The following ASPHD2 variants were observed in gnomAD, a reference collection of about 807,000 sequenced individuals.
ASPHD2 encodes the protein aspartate beta-hydroxylase domain-containing protein 2.
ASPHD2 carries 12 observed loss-of-function variants against 34.6 expected under a neutral mutation model. The ratio of observed to expected loss-of-function variants is 0.35; its 90% CI spans 0.22 to 0.56. ASPHD2 has a LOEUF of 0.56. ASPHD2 is among the 20% of genes least tolerant of loss of function. The pLI is 0.87. For missense variants in ASPHD2, 375 were observed against 505.0 expected (o/e 0.74, Z 2.47); for synonymous variants, 224 against 212.2 (o/e 1.06, Z -0.48).
In ASPHD2 at chr22:26,433,581, G is replaced by A; in HGVS notation, c.-35G>A. ...ATCGGTGGCAGCCATGCCTCCCCCTGCCCCAGCCGCTCCTTCCCCCCCACG... is the reference window on the plus strand; with the variant it reads ...ATCGGTGGCAGCCATGCCTCCCCCTACCCCAGCCGCTCCTTCCCCCCCACG... On this transcript the variant is annotated 5_prime_UTR_variant, in exon 2 of 4. Transcript: ENST00000215906. This position sits in a 1 kb window ranked among gnomAD's most constrained non-coding sequence, Gnocchi z 5.1. 6.5e-7 allele frequency: 1 copy of A among 1,537,906 alleles called. No individual in the cohort carries two copies. The highest frequency in any genetic ancestry group is 8.8e-7 in the Non-Finnish European group (1 of 1,133,928).
At chr22:26,442,691 C>A in intron 3 of ASPHD2, 119 bp downstream of exon 3, 1 of 698,704 alleles carries the variant, frequency 1.4e-6, no homozygotes, top group Non-Finnish European at 2.4e-6. Context: ...CTTCATATCA[C>A]CCCATAACAC....
chr22:26,438,536 TAC>T (rs373641909), intron 2 of ASPHD2, among the ~76,000 whole-genome samples: 11,070 of 107,508 alleles, frequency 0.1, 1,567 homozygotes, highest in South Asian at 0.24. Flanking sequence ...CATACATATA[TAC>T]ACATACATAT....
chr22:26,441,473 G>GT (rs2084838002), intron 2 of ASPHD2, among the ~76,000 whole-genome samples: 1 of 64,514 alleles, frequency 1.6e-5, no homozygotes, highest in East Asian at 4.5e-4. Flanking sequence ...ACAAGACCTT[G>GT]TATCTAAAAA....
rs556945276 is a variant in ASPHD2, at chr22:26,429,870, C to G, written c.-225+384C>G. 2.3e-3 allele frequency among the ~76,000 whole-genome samples: 349 copies of G among 152,242 alleles called. 2 individuals are homozygous for G. The highest frequency in any genetic ancestry group is 2.5e-3 in the Non-Finnish European group (169 of 68,010). ...CCACTTCCCATATTTCACGTGGTGACCCTCCTCCCCTGTCCCACGAATTAT... is the reference window on the plus strand; with the variant it reads ...CCACTTCCCATATTTCACGTGGTGAGCCTCCTCCCCTGTCCCACGAATTAT... On this transcript the variant is annotated intron_variant, in intron 1 of 3. Coordinates refer to ENST00000215906, the MANE Select transcript of ASPHD2 (RefSeq NM_020437.5). This position sits in a 1 kb window ranked among gnomAD's most constrained non-coding sequence, Gnocchi z 4.5.
In ASPHD2 at chr22:26,434,369, C is replaced by CGCTT; in HGVS notation, c.758_761dup (p.Gly255AlafsTer51). On this transcript the variant is annotated frameshift_variant, in exon 2 of 4. Transcript: ENST00000215906. LOFTEE classifies it high-confidence loss of function. ...CTGTAGGAAGTGCCCACGGACGTAC[C>CGCTT]GCTTGCTCGGAAGCCTTCGGACCTG... The CGCTT allele has an allele frequency of 6.2e-7, 1 of 1,614,172 alleles. No individual in the cohort carries two copies.
rs763428397 is a variant in ASPHD2, at chr22:26,433,081, G to C, written c.-224-311G>C. ...TGGGGTTTGAGTCTCTGCCCTGGCT[G>C]TATAACTCTCGTGAGTTATGTAACT... is the stretch of plus-strand genomic sequence containing the variant. On this transcript the variant is annotated intron_variant, in intron 1 of 3. Transcript: ENST00000215906. The surrounding 1 kb of genome is among the most constrained non-coding windows in gnomAD (Gnocchi z 5.1). 6.6e-6 allele frequency among the ~76,000 whole-genome samples: 1 copy of C among 152,196 alleles called. No homozygotes were observed. Among genetic ancestry groups the C allele is most frequent in the Non-Finnish European group, 1.5e-5 (1 of 68,026 alleles).
intron 2 of ASPHD2, among the ~76,000 whole-genome samples, chr22:26,440,626 G>A (rs995323607): frequency 6.6e-6 from 1 of 152,120 alleles, no homozygotes; most frequent in African/African-American, 2.4e-5. Context: ...GTGAGCCACT[G>A]TGCCCAGCCA....
rs1038688657 is a variant in ASPHD2, at chr22:26,443,294, T to G, written c.*88T>G. The G allele has an allele frequency of 8.9e-7, 1 of 1,121,408 alleles. No homozygotes were observed. The highest frequency in any genetic ancestry group is 2.5e-5 in the East Asian group (1 of 40,772). The allele number at this position is 1,121,408 out of a possible 1,614,324, so 69.5% of individuals were successfully genotyped here. A position where few individuals can be genotyped will look rare whatever the true frequency, so the allele number is the denominator to read the frequency against. On this transcript the variant is annotated 3_prime_UTR_variant, in exon 4 of 4. Transcript: ENST00000215906. Reference sequence around the variant, plus strand: ...CGGTCCAGTCCCTACCGGTGTTGTTTCCATGCTCAGAAACCTGCCTCAGCG... The same window carrying G: ...CGGTCCAGTCCCTACCGGTGTTGTTGCCATGCTCAGAAACCTGCCTCAGCG...
Position 26,443,082 on chromosome 22 carries a change from C to T in ASPHD2, c.1001-15C>T. 6.2e-7 allele frequency: 1 copy of T among 1,605,528 alleles called. No individual in the cohort carries two copies. Among genetic ancestry groups the T allele is most frequent in the South Asian group, 1.1e-5 (1 of 90,912 alleles). On this transcript the variant is annotated splice_polypyrimidine_tract_variant and intron_variant, in intron 3 of 3. Transcript: ENST00000215906. The stretch of plus-strand genomic sequence containing the variant: ...GTGGTTTGAACCTGTCCTCTCACCC[C>T]TCCTTCCCCCCCAGGTTCAGCAGAG...
Position 26,443,507 on chromosome 22 carries a change from G to A in ASPHD2, c.*301G>A, listed in dbSNP as rs60636835. On this transcript the variant is annotated 3_prime_UTR_variant, in exon 4 of 4. Coordinates refer to ENST00000215906, the MANE Select transcript of ASPHD2 (RefSeq NM_020437.5). ...GTCCTTGAGTGACCAGAGACTTAGT[G>A]CCCTTGTAAGTCTGTCTTCTGTTGC... 0.014 allele frequency: 3,473 copies of A among 247,978 alleles called. 57 individuals are homozygous for A. Among genetic ancestry groups the A allele is most frequent in the East Asian group, 0.073 (777 of 10,650 alleles). 15.4% of individuals were successfully genotyped at this position (247,978 alleles called of 1,614,324 possible).
At chr22:26,430,042 TC>T (rs1359515182) in intron 1 of ASPHD2, among the ~76,000 whole-genome samples, 1 of 152,070 alleles carries the variant, frequency 6.6e-6, no homozygotes, top group African/African-American at 2.4e-5. Flanking sequence ...CTCCCCTCTT[TC>T]CCACTCTCCA....
Position 26,429,984 on chromosome 22 carries a change from T to G in ASPHD2, c.-225+498T>G, listed in dbSNP as rs1217127018. Among the ~76,000 whole-genome samples the G allele has an allele frequency of 6.6e-6, 1 of 152,096 alleles. No individual in the cohort carries two copies. The highest frequency in any genetic ancestry group is 2.4e-5 in the African/African-American group (1 of 41,436). On this transcript the variant is annotated intron_variant, in intron 1 of 3. Transcript: ENST00000215906. This position sits in a 1 kb window ranked among gnomAD's most constrained non-coding sequence, Gnocchi z 4.5. ...CCTTTCCATCGTCCCATCCCCCTCC[T>G]CCCCTGACCTCCTGGTGGTCACCAT...
At chr22:26,439,862 T>A (rs558957026) in intron 2 of ASPHD2, among the ~76,000 whole-genome samples, 2 of 152,338 alleles carry the variant, frequency 1.3e-5, no homozygotes, top group African/African-American at 4.8e-5. Flanking sequence ...GGCCTCTTTA[T>A]TTGAATTATT....
intron 2 of ASPHD2, among the ~76,000 whole-genome samples, chr22:26,442,000 G>T (rs145928361): frequency 6.6e-6 from 1 of 151,502 alleles, no homozygotes; most frequent in African/African-American, 2.4e-5. Flanking sequence ...CAGCTACTCC[G>T]GAGGCTGAGG....
intron 2 of ASPHD2, among the ~76,000 whole-genome samples, chr22:26,439,553 A>G (rs2084823135): frequency 6.6e-6 from 1 of 152,224 alleles, no homozygotes; most frequent in Non-Finnish European, 1.5e-5. Flanking sequence ...CTAAATGGTA[A>G]CTTTTTAGCA....
chr22:26,438,502 C>CAT (rs549671783), intron 2 of ASPHD2, among the ~76,000 whole-genome samples: 1 of 111,886 alleles, frequency 8.9e-6, no homozygotes, highest in Non-Finnish European at 1.9e-5. Flanking sequence ...TACACACATA[C>CAT]ATATATATAC....
intron 2 of ASPHD2, among the ~76,000 whole-genome samples, chr22:26,439,803 C>T (rs2084824478): frequency 6.6e-6 from 1 of 152,190 alleles, no homozygotes; most frequent in Non-Finnish European, 1.5e-5. Flanking sequence ...ATAAGAGTCA[C>T]AACCAGTCGT....
intron 2 of ASPHD2, among the ~76,000 whole-genome samples, chr22:26,438,624 C>T (rs28459122): frequency 1.1e-5 from 1 of 94,360 alleles, no homozygotes; most frequent in African/African-American, 4.7e-5. Flanking sequence ...TATATACACA[C>T]ATATATATAC....
intron 3 of ASPHD2, 24 bp downstream of exon 3, chr22:26,442,596 C>A (rs868862013): frequency 1.8e-5 from 28 of 1,516,346 alleles, no homozygotes; most frequent in Non-Finnish European, 2.5e-5. Context: ...TTTCCCACTT[C>A]CTTTTTTTCA....
Sources: gnomAD v4.1 joint callset for allele counts (sites outside exome capture counted in the v4.1 genomes callset) on GRCh38, gnomAD v4.1.1 for gene constraint, Gnocchi (gnomAD v3.1) non-coding constraint, MANE v1.5 for transcripts, NCBI Gene and HGNC (gene_info 2026-07-23, HGNC 2026-07-21) for gene names.